MAP3K21: variants seen among roughly 807,000 people sequenced by gnomAD.
The protein encoded by MAP3K21 is mitogen-activated protein kinase kinase kinase 21.
MAP3K21 carries 63 observed loss-of-function variants against 86.1 expected under a neutral mutation model. The observed-to-expected ratio is 0.73, with a 90% CI of 0.60 to 0.90. The LOEUF (loss-of-function observed/expected upper bound fraction) is 0.90. MAP3K21 is among the 40% of genes least tolerant of loss of function. MAP3K21 has a pLI of 0.00. For missense variants in MAP3K21, 1,220 were observed against 1,367.7 expected, an observed-to-expected ratio of 0.89 and a Z score of 1.70; for synonymous variants, 558 against 564.8, an observed-to-expected ratio of 0.99 and a Z score of 0.17.
chr1:233,372,086 G>C lies in MAP3K21; in HGVS notation c.1601G>C (p.Arg534Pro). ...TVQASPNLDK[R>P]RSLNSSSSSP... ...CAGGCCTCTCCCAACTTGGACAAAC[G>C]GCGGAGCCTGAACAGCAGCAGTTCC... The change falls in exon 6 of 10, where the codon CGG (arginine) becomes CCG (proline). Residue 534 changes from arginine to proline, a missense_variant. Physicochemically the swap from Arg to Pro is moderately radical, Grantham distance 103. Coordinates refer to ENST00000366624, the MANE Select transcript of MAP3K21 (RefSeq NM_032435.3). 6.2e-7 allele frequency: 1 copy of C among 1,614,098 alleles called. No homozygotes were observed. The highest frequency in any genetic ancestry group is 2.2e-5 in the East Asian group (1 of 44,882).
Position 233,328,429 on chromosome 1 carries a change from G to T in MAP3K21, c.401G>T (p.Gly134Val). The change falls in exon 1 of 10, where the codon GGC (glycine) becomes GTC (valine). Residue 134 changes from glycine (G) to valine (V), a missense_variant. Transcript: ENST00000366624. The surrounding 1 kb of genome is among the most constrained non-coding windows in gnomAD (Gnocchi z 8.7). Reference sequence around the variant, plus strand: ...CTGAAGGAGCTCATCGGCGCTGGGGGCTTCGGGCAGGTGTACCGCGCCACC... The same window carrying T: ...CTGAAGGAGCTCATCGGCGCTGGGGTCTTCGGGCAGGTGTACCGCGCCACC... The part of the protein sequence containing the change: ...LELKELIGAG[G>V]FGQVYRATWQ... The T allele has an allele frequency of 6.7e-7, 1 of 1,494,814 alleles. No homozygotes were observed. Among genetic ancestry groups the T allele is most frequent in the Admixed American group, 2.2e-5 (1 of 45,732 alleles). 92.6% of individuals were successfully genotyped at this position (1,494,814 alleles called of 1,614,324 possible). A position where few individuals can be genotyped will look rare whatever the true frequency, so the allele number is the denominator to read the frequency against.
chr1:233,330,701 C>G (rs1194494151), intron 1 of MAP3K21, among the ~76,000 whole-genome samples: 3 of 152,204 alleles, frequency 2.0e-5, no homozygotes, highest in Non-Finnish European at 4.4e-5. Flanking sequence ...CAAGCAAACA[C>G]TTGGGTTGTA....
chr1:233,365,379 C>A (rs905970589), intron 5 of MAP3K21, among the ~76,000 whole-genome samples: 1 of 152,194 alleles, frequency 6.6e-6, no homozygotes, highest in Non-Finnish European at 1.5e-5. Context: ...AACTATTCAT[C>A]TGACAAGGGA....
At chr1:233,347,960 A>AT (rs11353538) in intron 2 of MAP3K21, among the ~76,000 whole-genome samples, 22 of 151,880 alleles carry the variant, frequency 1.4e-4, no homozygotes, top group Non-Finnish European at 2.4e-4. Context: ...TTAAAGTTCC[A>AT]TTTTTTTCTG....
At chr1:233,338,727 T>A (rs999341844) in intron 1 of MAP3K21, among the ~76,000 whole-genome samples, 1 of 152,168 alleles carries the variant, frequency 6.6e-6, no homozygotes, top group Non-Finnish European at 1.5e-5. Context: ...GAAGCAGGGA[T>A]CCCTCAGACT....
At chr1:233,371,911 C>T (rs1282579389) in intron 5 of MAP3K21, 127 bp from the exon 6 acceptor site, 4 of 876,008 alleles carry the variant, frequency 4.6e-6, no homozygotes, top group South Asian at 4.8e-5. Flanking sequence ...AATAAGAAAT[C>T]GATCCTGCAA....
At position 233,354,853 on chromosome 1, in the gene MAP3K21, C is replaced by A; in HGVS notation, c.1153C>A (p.Pro385Thr). ...KLMKECWQQD[P>T]HIRPSFALIL... is the part of the protein sequence containing the mutation. ...TATTTTAGAATGCTGGCAACAAGACCCTCATATTCGTCCATCGTTTGCCTT... is the reference window on the plus strand; with the variant it reads ...TATTTTAGAATGCTGGCAACAAGACACTCATATTCGTCCATCGTTTGCCTT... The change falls in exon 4 of 10, where the codon CCT becomes ACT. Residue 385 changes from proline (P) to threonine (T), a missense_variant. Physicochemically the swap from Pro to Thr is conservative, Grantham distance 38. Transcript: ENST00000366624. 6.2e-7 allele frequency: 1 copy of A among 1,613,770 alleles called. No homozygotes were observed. The highest frequency in any genetic ancestry group is 8.5e-7 in the Non-Finnish European group (1 of 1,179,888).
At chr1:233,345,726 T>TATAATAATAATA (rs72300159) in intron 1 of MAP3K21, among the ~76,000 whole-genome samples, 71 of 146,320 alleles carry the variant, frequency 4.9e-4, no homozygotes, top group East Asian at 1.2e-3. Flanking sequence ...GAACTCAAAG[T>TATAATAATAATA]ATAATAATAA....
At chr1:233,330,574 A>G (rs1385135137) in intron 1 of MAP3K21, among the ~76,000 whole-genome samples, 1 of 152,210 alleles carries the variant, frequency 6.6e-6, no homozygotes, top group Non-Finnish European at 1.5e-5. Flanking sequence ...CTGCAGAACC[A>G]GGTATTTTAA....
chr1:233,346,043 A>C (rs1663133538), intron 1 of MAP3K21, among the ~76,000 whole-genome samples: 1 of 152,344 alleles, frequency 6.6e-6, no homozygotes, highest in East Asian at 1.9e-4. Flanking sequence ...CTATGGTAAT[A>C]TATCATCTAA....
Position 233,328,603 on chromosome 1 carries a change from A to G in MAP3K21, c.575A>G (p.Gln192Arg). ...NIIELRGVCL[Q>R]QPHLCLVLEF... ...ATCGAGCTGCGCGGCGTGTGCCTGCAGCAGCCGCACCTCTGCCTGGTGCTG... is the reference window on the plus strand; with the variant it reads ...ATCGAGCTGCGCGGCGTGTGCCTGCGGCAGCCGCACCTCTGCCTGGTGCTG... Residue 192 changes from glutamine (Q) to arginine (R), a missense_variant, in exon 1 of 10, where the codon CAG (glutamine) becomes CGG (arginine). Physicochemically the swap from Gln to Arg is conservative, Grantham distance 43. Around this residue, in one of 5 missense-constraint regions of MAP3K21, gnomAD observed 369 missense variants for 385.3 expected, o/e 0.96. Transcript: ENST00000366624. This position sits in a 1 kb window ranked among gnomAD's most constrained non-coding sequence, Gnocchi z 8.7. The G allele has an allele frequency of 6.6e-7, 1 of 1,507,474 alleles. No individual in the cohort carries two copies. The highest frequency in any genetic ancestry group is 8.8e-7 in the Non-Finnish European group (1 of 1,136,720). 93.4% of individuals were successfully genotyped at this position (1,507,474 alleles called of 1,614,324 possible).
intron 2 of MAP3K21, among the ~76,000 whole-genome samples, chr1:233,350,316 T>TA (rs1398227522): frequency 2.6e-5 from 4 of 152,116 alleles, no homozygotes; most frequent in African/African-American, 9.7e-5. Context: ...ACTGTATTAT[T>TA]AAAAAAACTG....
Position 233,327,933 on chromosome 1 carries a change from G to GGCGCCGACGGCC in MAP3K21, c.-95_-84dup. On this transcript the variant is annotated 5_prime_UTR_variant, in exon 1 of 10. Transcript: ENST00000366624. ...GATTCCTACCCCCTCGCCTTCCCCC[G>GGCGCCGACGGCC]GCGCCGACGGCCACACCGCCGGACG... is the stretch of plus-strand genomic sequence containing the variant. 1 of 1,023,566 alleles carries GGCGCCGACGGCC rather than the reference G, an allele frequency of 9.8e-7. No individual in the cohort carries two copies. Among genetic ancestry groups the GGCGCCGACGGCC allele is most frequent in the Non-Finnish European group, 1.2e-6 (1 of 802,518 alleles). 63.4% of individuals were successfully genotyped at this position (1,023,566 alleles called of 1,614,324 possible).
Position 233,354,861 on chromosome 1 carries a change from T to G in MAP3K21, c.1161T>G (p.Ile387Met). The G allele has an allele frequency of 1.2e-6, 2 of 1,614,082 alleles. No homozygotes were observed. Among genetic ancestry groups the G allele is most frequent in the South Asian group, 1.1e-5 (1 of 91,062 alleles). The change falls in exon 4 of 10, where the codon ATT becomes ATG. Residue 387 changes from isoleucine (I) to methionine (M), a missense_variant. Transcript: ENST00000366624. ...AATGCTGGCAACAAGACCCTCATATTCGTCCATCGTTTGCCTTAATTCTCG... is the reference window on the plus strand; with the variant it reads ...AATGCTGGCAACAAGACCCTCATATGCGTCCATCGTTTGCCTTAATTCTCG... Reference protein sequence around the residue: ...MKECWQQDPHIRPSFALILEQ... With the variant: ...MKECWQQDPHMRPSFALILEQ...
chr1:233,378,917 A>C lies in MAP3K21; in HGVS notation c.1925-14A>C. ...AAATGATACTACAGTGTATGTACTT[A>C]TACCTTTATTTAGGGTCCTGTGAAG... On this transcript the variant is annotated splice_polypyrimidine_tract_variant and intron_variant, in intron 8 of 9. Coordinates refer to ENST00000366624, the MANE Select transcript of MAP3K21 (RefSeq NM_032435.3). The C allele has an allele frequency of 6.3e-7, 1 of 1,582,354 alleles. No homozygotes were observed.
In MAP3K21 at chr1:233,362,199, A is replaced by C. The variant is rs1292674578; in HGVS notation, c.1458A>C (p.Leu486=). 1 of 1,614,218 alleles carries C rather than the reference A, an allele frequency of 6.2e-7. No individual in the cohort carries two copies. The highest frequency in any genetic ancestry group is 1.3e-5 in the African/African-American group (1 of 75,068). Residue 486 remains leucine (L), a synonymous_variant, in exon 5 of 10, where the codon CTA becomes CTC. Transcript: ENST00000366624. ...AACTTAACATTCTGATATTCCAGCTAAACCAGGAGAAGCCCAAGGTAAAGA... is the reference window on the plus strand; with the variant it reads ...AACTTAACATTCTGATATTCCAGCTCAACCAGGAGAAGCCCAAGGTAAAGA... ...ERELNILIFQ[L]NQEKPKVKKR... is the part of the protein sequence containing the mutation.
chr1:233,338,334 G>A lies in MAP3K21; in HGVS notation c.806-8108G>A, dbSNP rs183919258. On this transcript the variant is annotated intron_variant, in intron 1 of 9. Coordinates refer to ENST00000366624, the MANE Select transcript of MAP3K21 (RefSeq NM_032435.3). ...TACTTGTTGATCATATATTATATGCGGAACTCTCCTAGGCGCTTGGTATTG... is the reference window on the plus strand; with the variant it reads ...TACTTGTTGATCATATATTATATGCAGAACTCTCCTAGGCGCTTGGTATTG... Among the ~76,000 whole-genome samples the A allele has an allele frequency of 3.5e-3, 526 of 152,224 alleles. 4 individuals carry two copies. The highest frequency in any genetic ancestry group is 0.012 in the African/African-American group (509 of 41,530).
Position 233,328,541 on chromosome 1 carries a change from G to A in MAP3K21, c.513G>A (p.Glu171=). ...CGGCTGCCGAGAGCGTGCGGCGCGA[G>A]GCTCGGCTCTTCGCCATGCTGCGGC... ...AAAAAESVRR[E]ARLFAMLRHP... is the part of the protein sequence containing the mutation. Residue 171 remains glutamate (E), a synonymous_variant, in exon 1 of 10, where the codon GAG becomes GAA. Coordinates refer to ENST00000366624, the MANE Select transcript of MAP3K21 (RefSeq NM_032435.3). The surrounding 1 kb of genome is among the most constrained non-coding windows in gnomAD (Gnocchi z 8.7). 6.5e-7 allele frequency: 1 copy of A among 1,533,494 alleles called. No homozygotes were observed. The highest frequency in any genetic ancestry group is 2.7e-5 in the East Asian group (1 of 37,576). The allele number at this position is 1,533,494 out of a possible 1,614,324, so 95.0% of individuals were successfully genotyped here.
intron 7 of MAP3K21, 104 bp from the exon 8 acceptor site, chr1:233,376,326 G>A: frequency 1.2e-6 from 1 of 859,410 alleles, no homozygotes; most frequent in Non-Finnish European, 1.9e-6. Context: ...GTACAAATGT[G>A]TTCTCTTTAC....
Sources: allele counts gnomAD v4.1 joint callset (sites outside exome capture counted in the v4.1 genomes callset), GRCh38; gene constraint gnomAD v4.1.1; regional missense constraint gnomAD v4.1.1; non-coding constraint Gnocchi (gnomAD v3.1); transcripts MANE v1.5; gene names NCBI Gene and HGNC (gene_info 2026-07-23, HGNC 2026-07-21).